The following VPS13B variants were observed in gnomAD, a reference collection of about 807,000 sequenced individuals.
VPS13B encodes intermembrane lipid transfer protein VPS13B.
Under a neutral mutation model 426.4 loss-of-function variants are expected in VPS13B, and 285 were observed. The ratio of observed to expected loss-of-function variants is 0.67; its 90% CI spans 0.61 to 0.74. The LOEUF (loss-of-function observed/expected upper bound fraction) is 0.74, where lower values mean the gene tolerates loss of function less well. Ranked by LOEUF, VPS13B falls within the 30% of genes least tolerant of loss-of-function variation. The pLI is 0.00. For missense variants in VPS13B, 4,537 were observed against 4,782.6 expected (o/e 0.95, Z 1.51); for synonymous variants, 1,676 against 1,676.4 (o/e 1.00, Z 0.01).
At chr8:99,843,529 C>T (rs987860700) in intron 54 of VPS13B, among the ~76,000 whole-genome samples, 1 of 152,178 alleles carries the variant, frequency 6.6e-6, no homozygotes, top group African/African-American at 2.4e-5. Context: ...TATGGAATTA[C>T]CTGCTCCCCC....
At chr8:99,297,824 A>G (rs1426007624) in intron 19 of VPS13B, among the ~76,000 whole-genome samples, 2 of 152,188 alleles carry the variant, frequency 1.3e-5, no homozygotes, top group African/African-American at 2.4e-5. Context: ...CCATCTTTCT[A>G]TGCCACTAAA....
chr8:99,334,143 C>CT, intron 19 of VPS13B, among the ~76,000 whole-genome samples: 1 of 151,994 alleles, frequency 6.6e-6, no homozygotes, highest in Middle Eastern at 3.4e-3. Context: ...AACTACTAGA[C>CT]TTTTTTTCCA....
chr8:99,286,323 T>G (rs1272515346), intron 19 of VPS13B, among the ~76,000 whole-genome samples: 1 of 152,202 alleles, frequency 6.6e-6, no homozygotes, highest in Non-Finnish European at 1.5e-5. Context: ...TGTTAAAGAA[T>G]AATTTTTAAA....
intron 35 of VPS13B, among the ~76,000 whole-genome samples, chr8:99,683,294 G>A (rs1831232927): frequency 6.6e-6 from 1 of 152,104 alleles, no homozygotes; most frequent in South Asian, 2.1e-4. Context: ...GTCCTCCAAT[G>A]TTGTTATTCT....
Position 99,696,812 on chromosome 8 carries a change from A to C in VPS13B, c.6047-2713A>C, listed in dbSNP as rs1832026682. Reference sequence around the variant, plus strand: ...ATTTGAGAATGAGCTGACCCTGGACAACCTGTCACGGCCGCAGCTGGTGGC... The same window carrying C: ...ATTTGAGAATGAGCTGACCCTGGACCACCTGTCACGGCCGCAGCTGGTGGC... On this transcript the variant is annotated intron_variant, in intron 35 of 61. Transcript: ENST00000357162. 2.9e-6 allele frequency: 4 copies of C among 1,396,822 alleles called. No individual in the cohort carries two copies. The African/African-American group carries it at 5.7e-5, about 20-fold the overall frequency. 86.5% of individuals were successfully genotyped at this position (1,396,822 alleles called of 1,614,324 possible).
At chr8:99,432,405 T>G (rs114941359) in intron 22 of VPS13B, among the ~76,000 whole-genome samples, 133 of 152,168 alleles carry the variant, frequency 8.7e-4, no homozygotes, top group African/African-American at 3.1e-3. Flanking sequence ...GAACAAGGTT[T>G]TGTGATCTGC....
At chr8:99,576,575 T>C (rs570284055) in intron 32 of VPS13B, among the ~76,000 whole-genome samples, 1 of 152,286 alleles carries the variant, frequency 6.6e-6, no homozygotes, top group South Asian at 2.1e-4. Context: ...GCTGTCTCAT[T>C]TGCATTTGGA....
At chr8:99,685,169 A>C (rs1831333112) in intron 35 of VPS13B, among the ~76,000 whole-genome samples, 1 of 152,376 alleles carries the variant, frequency 6.6e-6, no homozygotes, top group African/African-American at 2.4e-5. Flanking sequence ...AACTTCAATA[A>C]ATATACCTAG....
At chr8:99,568,414 C>T (rs1588503045) in intron 31 of VPS13B, among the ~76,000 whole-genome samples, 2 of 151,784 alleles carry the variant, frequency 1.3e-5, no homozygotes, top group Non-Finnish European at 2.9e-5. Flanking sequence ...CCTCAGCCTC[C>T]GAAGTAGCTG....
intron 44 of VPS13B, among the ~76,000 whole-genome samples, chr8:99,814,342 T>C (rs1813896513): frequency 6.6e-6 from 1 of 152,216 alleles, no homozygotes; most frequent in African/African-American, 2.4e-5. Flanking sequence ...CTATTCTATT[T>C]TATGTTTATT....
At chr8:99,807,707 G>C (rs879107079) in intron 43 of VPS13B, among the ~76,000 whole-genome samples, 1 of 146,698 alleles carries the variant, frequency 6.8e-6, no homozygotes, top group African/African-American at 2.5e-5. Flanking sequence ...GTGTGTGTAC[G>C]CACACGTGTG....
At chr8:99,871,367 C>T in intron 60 of VPS13B, 81 bp from the exon 61 acceptor site, 1 of 1,606,944 alleles carries the variant, frequency 6.2e-7, no homozygotes, top group Non-Finnish European at 8.5e-7. Context: ...TGGAGGTTGC[C>T]CCATTGGTAA....
chr8:99,318,919 G>A (rs1809828586), intron 19 of VPS13B, among the ~76,000 whole-genome samples: 1 of 152,080 alleles, frequency 6.6e-6, no homozygotes, highest in African/African-American at 2.4e-5. Context: ...AAAATTAGGG[G>A]CATAATGATG....
At chr8:99,177,394 A>C (rs1249234540) in intron 16 of VPS13B, among the ~76,000 whole-genome samples, 2 of 152,238 alleles carry the variant, frequency 1.3e-5, no homozygotes, top group African/African-American at 4.8e-5. Context: ...ACTTGTCAAA[A>C]AATACATACA....
At chr8:99,307,326 GAAAAATTGTTA>G (rs1588231530) in intron 19 of VPS13B, among the ~76,000 whole-genome samples, 1 of 151,928 alleles carries the variant, frequency 6.6e-6, no homozygotes, top group East Asian at 1.9e-4. Flanking sequence ...TTGACCCTTT[GAAAAATTGTTA>G]AAAATTACTG....
At chr8:99,338,093 G>T (rs988884418) in intron 19 of VPS13B, among the ~76,000 whole-genome samples, 1 of 152,058 alleles carries the variant, frequency 6.6e-6, no homozygotes, top group African/African-American at 2.4e-5. Flanking sequence ...GGTCTTGTTT[G>T]CTGGGGCTAT....
At chr8:99,742,771 A>G (rs1337831501) in intron 39 of VPS13B, among the ~76,000 whole-genome samples, 1 of 152,236 alleles carries the variant, frequency 6.6e-6, no homozygotes, top group Non-Finnish European at 1.5e-5. Context: ...GACAAAATTC[A>G]ACAACCCTTC....
chr8:99,210,755 A>C (rs1288868525), intron 17 of VPS13B, among the ~76,000 whole-genome samples: 1 of 152,052 alleles, frequency 6.6e-6, no homozygotes, highest in Non-Finnish European at 1.5e-5. Flanking sequence ...ACAAGTGCCC[A>C]CCAGCATGGC....
intron 35 of VPS13B, chr8:99,696,753 C>T: frequency 7.9e-7 from 1 of 1,267,822 alleles, no homozygotes; most frequent in Non-Finnish European, 1.2e-6. Context: ...GGGGAGAGAC[C>T]CAGCAATGAG....
Sources: gnomAD v4.1 joint callset for allele counts (sites outside exome capture counted in the v4.1 genomes callset) on GRCh38, gnomAD v4.1.1 for gene constraint, MANE v1.5 for transcripts, NCBI Gene and HGNC (gene_info 2026-07-23, HGNC 2026-07-21) for gene names.